GLIS3: variants seen among roughly 807,000 people sequenced by gnomAD.
GLIS3 encodes zinc finger protein GLIS3.
GLIS3 carries 53 observed loss-of-function variants against 78.6 expected under a neutral mutation model. The observed-to-expected ratio is 0.67, with a 90% CI of 0.54 to 0.85. The LOEUF (loss-of-function observed/expected upper bound fraction) is 0.85, where lower values mean the gene tolerates loss of function less well. Among genes scored for constraint, GLIS3 ranks in the 40% least tolerant of loss-of-function variants. GLIS3 has a pLI of 0.00. For missense variants in GLIS3, 1,703 were observed against 1,231.1 expected (o/e 1.38, Z -5.74); for synonymous variants, 684 against 509.9 (o/e 1.34, Z -4.60).
chr9:4,482,022 C>G, the GLIS3 span, among the ~76,000 whole-genome samples: 1 of 152,194 alleles, frequency 6.6e-6, no homozygotes, highest in East Asian at 1.9e-4. Context: ...GTATTTAGTT[C>G]TAGTGAGATT....
chr9:4,350,709 C>G (rs930883119), upstream of GLIS3, among the ~76,000 whole-genome samples: 5 of 152,250 alleles, frequency 3.3e-5, no homozygotes, highest in Non-Finnish European at 5.9e-5. Flanking sequence ...CATTCTGGAC[C>G]AAGGAAGAGT....
chr9:4,353,888 C>T, the GLIS3 span, among the ~76,000 whole-genome samples: 3 of 152,212 alleles, frequency 2.0e-5, no homozygotes, highest in Middle Eastern at 6.8e-3. Context: ...AGTGCAGTGG[C>T]GCGACCTCGG....
chr9:3,906,798 G>A (rs912414951), intron 6 of GLIS3, among the ~76,000 whole-genome samples: 6 of 152,122 alleles, frequency 3.9e-5, no homozygotes, highest in African/African-American at 1.2e-4. Flanking sequence ...GTCTCAAAAG[G>A]CTAAGACATT....
At chr9:4,323,359 T>A (rs1469373683) in intron 2 of GLIS3, among the ~76,000 whole-genome samples, 1 of 152,194 alleles carries the variant, frequency 6.6e-6, no homozygotes, top group Non-Finnish European at 1.5e-5. Flanking sequence ...TTCCTTGCTT[T>A]TAAATTTCAT....
At chr9:4,257,194 T>C (rs1039700131) in intron 2 of GLIS3, among the ~76,000 whole-genome samples, 3 of 152,140 alleles carry the variant, frequency 2.0e-5, no homozygotes, top group Non-Finnish European at 4.4e-5. Context: ...TTTATGACAA[T>C]ATGGATGAAC....
intron 2 of GLIS3, among the ~76,000 whole-genome samples, chr9:4,263,404 C>A (rs1017839391): frequency 3.9e-5 from 6 of 151,996 alleles, no homozygotes; most frequent in African/African-American, 1.5e-4. Flanking sequence ...TACAGACTAA[C>A]AGAGAAAGAA....
chr9:4,040,284 G>A (rs1312126940), intron 4 of GLIS3, among the ~76,000 whole-genome samples: 7 of 141,608 alleles, frequency 4.9e-5, no homozygotes, highest in African/African-American at 1.8e-4. Context: ...TACTTCACAA[G>A]GTAAAAAAAA....
chr9:3,932,523 G>A (rs771712618), intron 5 of GLIS3, 53 bp from the exon 6 acceptor site: 11 of 1,273,662 alleles, frequency 8.6e-6, no homozygotes, highest in Non-Finnish European at 1.3e-5. Context: ...AAAGGTAATT[G>A]GGGAATGTTT....
chr9:4,037,278 A>T (rs1824398266), intron 4 of GLIS3, among the ~76,000 whole-genome samples: 1 of 152,132 alleles, frequency 6.6e-6, no homozygotes. Flanking sequence ...AAAGCTTAGG[A>T]CTTGCATTCT....
intron 2 of GLIS3, among the ~76,000 whole-genome samples, chr9:4,171,783 G>A (rs1816395535): frequency 6.6e-6 from 1 of 152,160 alleles, no homozygotes; most frequent in Non-Finnish European, 1.5e-5. Context: ...TATAATGAGT[G>A]TAATTTGGAA....
rs1347028093 is a variant in GLIS3 at position 3,827,218 on chromosome 9, C to T, written c.*1054G>A. The T allele has an allele frequency of 6.6e-6, 1 of 152,096 alleles. No individual in the cohort carries two copies. Among genetic ancestry groups the T allele is most frequent in the African/African-American group, 2.4e-5 (1 of 41,396 alleles). 9.4% of individuals were successfully genotyped at this position (152,096 alleles called of 1,614,324 possible). A position where few individuals can be genotyped will look rare whatever the true frequency, so the allele number is the denominator to read the frequency against. Reference sequence around the variant, plus strand: ...ACAGATGAGTGGATATCCTGAAAAACGTTAGTAAAATCTGAGCACTGGAAG... The same window carrying T: ...ACAGATGAGTGGATATCCTGAAAAATGTTAGTAAAATCTGAGCACTGGAAG... On this transcript the variant is annotated 3_prime_UTR_variant, in exon 11 of 11. Transcript: ENST00000381971.
the GLIS3 span, among the ~76,000 whole-genome samples, chr9:4,364,091 G>C: frequency 6.6e-6 from 1 of 152,194 alleles, no homozygotes; most frequent in Admixed American, 6.5e-5. Flanking sequence ...TGCAAAATGT[G>C]TGGTCAAGTC....
chr9:4,247,467 C>A (rs1387757023), intron 2 of GLIS3, among the ~76,000 whole-genome samples: 2 of 152,216 alleles, frequency 1.3e-5, no homozygotes, highest in South Asian at 2.1e-4. Context: ...CTCTCATGCA[C>A]CCTGTCTCAT....
chr9:4,365,728 C>T, the GLIS3 span, among the ~76,000 whole-genome samples: 2 of 152,286 alleles, frequency 1.3e-5, no homozygotes, highest in East Asian at 1.9e-4. Context: ...AGCTCTGCTC[C>T]AACTCACCCT....
chr9:4,105,482 G>A (rs1830679713), intron 4 of GLIS3, among the ~76,000 whole-genome samples: 1 of 152,128 alleles, frequency 6.6e-6, no homozygotes, highest in African/African-American at 2.4e-5. Flanking sequence ...CATCTTTGGA[G>A]GAAATGTATA....
At chr9:4,280,473 G>C (rs984873669) in intron 2 of GLIS3, among the ~76,000 whole-genome samples, 5 of 152,104 alleles carry the variant, frequency 3.3e-5, no homozygotes, top group Non-Finnish European at 7.3e-5. Context: ...CTTTCAAGTG[G>C]TTCACCTTAC....
At chr9:4,266,599 C>CACACATGCATGCGCGTGT (rs1229475433) in intron 2 of GLIS3, among the ~76,000 whole-genome samples, 1 of 10,848 alleles carries the variant, frequency 9.2e-5, no homozygotes, top group Non-Finnish European at 2.0e-4. Context: ...CGCGTGTACA[C>CACACATGCATGCGCGTGT]ACACACACAC....
chr9:4,317,579 G>A (rs991181419), intron 2 of GLIS3, among the ~76,000 whole-genome samples: 3 of 152,178 alleles, frequency 2.0e-5, no homozygotes, highest in Non-Finnish European at 2.9e-5. Flanking sequence ...TTTAGATTAC[G>A]TATTGCTTAC....
the GLIS3 span, among the ~76,000 whole-genome samples, chr9:4,367,736 T>G: frequency 1.3e-3 from 195 of 152,112 alleles, no homozygotes; most frequent in Admixed American, 2.3e-3. Context: ...CTATACATAT[T>G]TATTGAGAGA....
Sources: allele counts gnomAD v4.1 joint callset (sites outside exome capture counted in the v4.1 genomes callset), GRCh38; gene constraint gnomAD v4.1.1; transcripts MANE v1.5; gene names NCBI Gene and HGNC (gene_info 2026-07-23, HGNC 2026-07-21).